The following NTRK2 variants were observed in gnomAD, a reference collection of about 807,000 sequenced individuals.
NTRK2 encodes neurotrophic receptor tyrosine kinase 2.
A neutral mutation model predicts 94.5 loss-of-function variants in NTRK2; 13 were observed. The observed-to-expected ratio is 0.14, with a 90% CI of 0.09 to 0.22. The LOEUF (loss-of-function observed/expected upper bound fraction) is 0.22. NTRK2 is among the 10% of genes least tolerant of loss of function. NTRK2 has a pLI of 1.00. For synonymous variants in NTRK2, 372 were observed against 407.4 expected, an observed-to-expected ratio of 0.91 and a Z score of 1.05; for missense variants, 639 against 1,071.2, an observed-to-expected ratio of 0.60 and a Z score of 5.63.
chr9:85,003,909 A>G (rs2133431645), intron 17 of NTRK2, among the ~76,000 whole-genome samples: 1 of 149,924 alleles, frequency 6.7e-6, no homozygotes. Flanking sequence ...CAAGGAATCA[A>G]TGATGACTTC....
intron 9 of NTRK2, among the ~76,000 whole-genome samples, chr9:84,730,595 CCGGGCGTGGTAG>C: frequency 7.1e-6 from 1 of 141,332 alleles, no homozygotes; most frequent in South Asian, 2.2e-4. Flanking sequence ...AAAAAATTAG[CCGGGCGTGGTAG>C]CGGGCGCCTG....
Position 84,870,122 on chromosome 9 carries a change from TATATAC to T in NTRK2, c.1633+2693_1633+2698del, listed in dbSNP as rs1158393172. 1.2e-4 allele frequency among the ~76,000 whole-genome samples: 16 copies of T among 132,984 alleles called. No homozygotes were observed. In the East Asian group the frequency reaches 1.7e-3, roughly 14 times the overall value. 87.2% of individuals were successfully genotyped at this position (132,984 alleles called of 152,430 possible). A position where few individuals can be genotyped will look rare whatever the true frequency, so the allele number is the denominator to read the frequency against. On this transcript the variant is annotated intron_variant, in intron 14 of 18. Coordinates refer to ENST00000277120, the MANE Select transcript of NTRK2 (RefSeq NM_006180.6). ...CTATATATATATATATATATATATA[TATATAC>T]ACACACACACACATATATATACACA...
In NTRK2 at chr9:84,727,733, C is replaced by A. The variant is rs75615014; in HGVS notation, c.933C>A (p.Pro311=). The A allele has an allele frequency of 1.9e-3, 3,035 of 1,614,076 alleles. 48 individuals are homozygous for A. In the African/African-American group the frequency reaches 0.036, roughly 19 times the overall value. ...TTCCATTCACTGTGAAAGGCAACCC[C>A]AAACCAGCGCTTCAGTGGTTCTATA... ...WCIPFTVKGN[P]KPALQWFYNG... is the part of the protein sequence containing the mutation. The change falls in exon 9 of 19, where the codon CCC becomes CCA. Residue 311 remains proline (P), a synonymous_variant. Transcript: ENST00000277120.
chr9:84,983,868 T>C (rs1827961537), intron 17 of NTRK2, among the ~76,000 whole-genome samples: 1 of 152,184 alleles, frequency 6.6e-6, no homozygotes, highest in Non-Finnish European at 1.5e-5. Context: ...ATTTGAACTC[T>C]AGGGTCACAC....
At chr9:84,988,699 A>T (rs11140816) in intron 17 of NTRK2, among the ~76,000 whole-genome samples, 3,356 of 152,272 alleles carry the variant, frequency 0.022, 57 homozygotes, top group Middle Eastern at 0.048. Context: ...GGTGAAACCA[A>T]TTTATTTAGA....
At chr9:84,697,464 G>T (rs1415711146) in intron 2 of NTRK2, among the ~76,000 whole-genome samples, 1 of 152,182 alleles carries the variant, frequency 6.6e-6, no homozygotes. Flanking sequence ...ACCCTTTTTG[G>T]AGATGTGTTT....
At chr9:84,927,400 T>C (rs2077859527) in intron 14 of NTRK2, among the ~76,000 whole-genome samples, 1 of 151,918 alleles carries the variant, frequency 6.6e-6, no homozygotes, top group Admixed American at 6.6e-5. Context: ...AAGATATAAG[T>C]ACATGGGTTT....
At position 84,797,385 on chromosome 9, in the gene NTRK2, A is replaced by G. The variant is rs1163147247; in HGVS notation, c.1396+45300A>G. Among the ~76,000 whole-genome samples the G allele has an allele frequency of 2.0e-5, 3 of 150,322 alleles. No individual in the cohort carries two copies. In the Admixed American group the frequency reaches 2.0e-4, roughly 10 times the overall value. ...TTATTTACTATTTGTCCCTTTGCAG[A>G]AAAAGTTTGGTGATACCTGCATAAC... On this transcript the variant is annotated intron_variant, in intron 12 of 18. Coordinates refer to ENST00000277120, the MANE Select transcript of NTRK2 (RefSeq NM_006180.6).
intron 2 of NTRK2, among the ~76,000 whole-genome samples, chr9:84,699,138 A>C (rs1189703337): frequency 6.6e-6 from 1 of 151,054 alleles, no homozygotes; most frequent in Non-Finnish European, 1.5e-5. Context: ...CCGGGTTCAC[A>C]CCATTCTCCT....
intron 4 of NTRK2, among the ~76,000 whole-genome samples, chr9:84,704,661 G>T (rs901059669): frequency 6.6e-6 from 1 of 152,160 alleles, no homozygotes; most frequent in Non-Finnish European, 1.5e-5. Flanking sequence ...CAATTGTTGG[G>T]ATGTCAATCA....
intron 12 of NTRK2, chr9:84,814,049 A>T (rs893085947): frequency 9.4e-7 from 1 of 1,064,742 alleles, no homozygotes; most frequent in African/African-American, 1.6e-5. Context: ...ATCTCAACAC[A>T]CATTAGAGAT....
intron 14 of NTRK2, among the ~76,000 whole-genome samples, chr9:84,929,330 G>A (rs1000937936): frequency 6.6e-6 from 1 of 152,110 alleles, no homozygotes; most frequent in Non-Finnish European, 1.5e-5. Flanking sequence ...ATGACCAAGG[G>A]CACCACATTT....
At chr9:84,786,597 C>T (rs1482921813) in intron 12 of NTRK2, among the ~76,000 whole-genome samples, 2 of 151,736 alleles carry the variant, frequency 1.3e-5, no homozygotes, top group Non-Finnish European at 2.9e-5. Flanking sequence ...TTATTTTAGC[C>T]TAATAATACT....
At chr9:84,936,341 A>G (rs1019507534) in intron 15 of NTRK2, among the ~76,000 whole-genome samples, 1 of 152,214 alleles carries the variant, frequency 6.6e-6, no homozygotes, top group African/African-American at 2.4e-5. Flanking sequence ...TTCCAAACAT[A>G]TGCTCAAATA....
intron 12 of NTRK2, among the ~76,000 whole-genome samples, chr9:84,776,696 T>A (rs1234714143): frequency 6.6e-6 from 1 of 152,202 alleles, no homozygotes; most frequent in Non-Finnish European, 1.5e-5. Flanking sequence ...ACAGCATATT[T>A]GTATCAATTC....
intron 14 of NTRK2, among the ~76,000 whole-genome samples, chr9:84,931,119 A>G (rs2078010820): frequency 6.6e-6 from 1 of 152,164 alleles, no homozygotes; most frequent in Non-Finnish European, 1.5e-5. Flanking sequence ...TAAAAAAGAG[A>G]AATTTGGCCA....
At chr9:84,710,888 T>C (rs1293418788) in intron 6 of NTRK2, 97 bp downstream of exon 6, 11 of 1,202,718 alleles carry the variant, frequency 9.1e-6, no homozygotes, top group South Asian at 2.5e-5. Flanking sequence ...CTGGATTGTA[T>C]ATAGTATTCT....
intron 14 of NTRK2, among the ~76,000 whole-genome samples, chr9:84,931,912 C>A (rs1410263230): frequency 6.6e-6 from 1 of 152,074 alleles, no homozygotes; most frequent in Non-Finnish European, 1.5e-5. Context: ...CCCTAATGAA[C>A]ACATTTCTCT....
Position 84,765,144 on chromosome 9 carries a change from G to A in NTRK2, c.1396+13059G>A, listed in dbSNP as rs1408331280. On this transcript the variant is annotated intron_variant, in intron 12 of 18. Coordinates refer to ENST00000277120, the MANE Select transcript of NTRK2 (RefSeq NM_006180.6). ...AATGAATAAGACCTACTGTCTGATC[G>A]CACAACAGAGTGACTATAGTCAATA... Among the ~76,000 whole-genome samples, 5 of 152,092 alleles carry A rather than the reference G, an allele frequency of 3.3e-5. No homozygotes were observed. In the East Asian group the frequency reaches 9.6e-4, roughly 29 times the overall value.
Sources: gnomAD v4.1 joint callset for allele counts (sites outside exome capture counted in the v4.1 genomes callset) on GRCh38, gnomAD v4.1.1 for gene constraint, MANE v1.5 for transcripts, NCBI Gene and HGNC (gene_info 2026-07-23, HGNC 2026-07-21) for gene names.